OPCML: variants seen among roughly 807,000 people sequenced by gnomAD.
OPCML encodes the protein opioid binding protein/cell adhesion molecule like, also known as opioid-binding protein/cell adhesion molecule.
OPCML carries 13 observed loss-of-function variants against 37.8 expected under a neutral mutation model. The observed-to-expected ratio is 0.34, with a 90% CI of 0.22 to 0.55. The LOEUF (loss-of-function observed/expected upper bound fraction) is 0.55. OPCML is among the 20% of genes least tolerant of loss of function. OPCML has a pLI of 0.91. For missense variants in OPCML, 341 were observed against 435.6 expected (o/e 0.78, Z 1.93); for synonymous variants, 176 against 168.8 (o/e 1.04, Z -0.33).
chr11:133,255,162 G>A (rs571110613), intron 1 of OPCML, among the ~76,000 whole-genome samples: 61 of 151,938 alleles, frequency 4.0e-4, no homozygotes, highest in Middle Eastern at 3.4e-3. Flanking sequence ...CTCACTCTCC[G>A]GCCCTGAAGC....
chr11:133,475,033 G>A (rs1257711831), intron 1 of OPCML, among the ~76,000 whole-genome samples: 1 of 152,114 alleles, frequency 6.6e-6, no homozygotes, highest in Non-Finnish European at 1.5e-5. Flanking sequence ...CGTGGGACAT[G>A]CCACCTTTAC....
Position 132,419,161 on chromosome 11 carries a change from G to A in OPCML, c.*1032C>T, listed in dbSNP as rs2095948757. The A allele has an allele frequency of 6.6e-6, 1 of 152,426 alleles. No individual in the cohort carries two copies. The highest frequency in any genetic ancestry group is 1.5e-5 in the Non-Finnish European group (1 of 68,044). The allele number at this position is 152,426 out of a possible 1,614,324, so 9.4% of individuals were successfully genotyped here. A position where few individuals can be genotyped will look rare whatever the true frequency, so the allele number is the denominator to read the frequency against. ...GAAGATGCCAATGTCTGCTGATGGT[G>A]TATAAATGAATACAGTGGGAGAGAT... On this transcript the variant is annotated 3_prime_UTR_variant, in exon 8 of 8. Coordinates refer to ENST00000524381, the MANE Select transcript of OPCML (RefSeq NM_001012393.5).
chr11:132,963,740 T>C (rs1946147206), intron 1 of OPCML, among the ~76,000 whole-genome samples: 1 of 147,522 alleles, frequency 6.8e-6, no homozygotes, highest in Non-Finnish European at 1.5e-5. Context: ...CTTCTTCCTA[T>C]CCGTATTACG....
intron 2 of OPCML, among the ~76,000 whole-genome samples, chr11:132,777,542 C>T (rs994785994): frequency 1.3e-5 from 2 of 152,144 alleles, no homozygotes; most frequent in African/African-American, 2.4e-5. Context: ...TGCTCACCCA[C>T]GCTGCCTGCT....
chr11:132,557,291 C>A (rs1468279503), intron 3 of OPCML, among the ~76,000 whole-genome samples: 2 of 152,150 alleles, frequency 1.3e-5, no homozygotes, highest in African/African-American at 4.8e-5. Flanking sequence ...CCTTTCTCCT[C>A]AGTCGTAGAG....
At chr11:133,380,760 A>G (rs1212681681) in intron 1 of OPCML, among the ~76,000 whole-genome samples, 1 of 152,176 alleles carries the variant, frequency 6.6e-6, no homozygotes, top group Non-Finnish European at 1.5e-5. Context: ...TTCATCATTC[A>G]TATATTTAGT....
intron 3 of OPCML, among the ~76,000 whole-genome samples, chr11:132,585,656 C>T (rs1257369909): frequency 6.6e-6 from 1 of 152,096 alleles, no homozygotes; most frequent in Non-Finnish European, 1.5e-5. Flanking sequence ...TTTTCAAGAC[C>T]TATGGAGATA....
At chr11:133,052,435 G>A (rs1256368982) in intron 1 of OPCML, among the ~76,000 whole-genome samples, 1 of 152,224 alleles carries the variant, frequency 6.6e-6, no homozygotes, top group Non-Finnish European at 1.5e-5. Context: ...TGCCCTCATA[G>A]AGCTTAGATT....
chr11:132,843,271 AT>A (rs1271120894), intron 2 of OPCML, among the ~76,000 whole-genome samples: 1 of 151,302 alleles, frequency 6.6e-6, no homozygotes, highest in Non-Finnish European at 1.5e-5. Flanking sequence ...ATTTTTTTGT[AT>A]TTTTTAAGTA....
intron 1 of OPCML, among the ~76,000 whole-genome samples, chr11:133,396,860 T>C (rs920324960): frequency 6.6e-6 from 1 of 152,168 alleles, no homozygotes; most frequent in East Asian, 1.9e-4. Context: ...AGTGATCCCT[T>C]ACCCTTCTGG....
intron 1 of OPCML, among the ~76,000 whole-genome samples, chr11:133,342,393 G>A (rs921522749): frequency 6.6e-6 from 1 of 152,142 alleles, no homozygotes; most frequent in Non-Finnish European, 1.5e-5. Flanking sequence ...ATAGAGTGCC[G>A]CTGTCTCTGT....
At chr11:132,934,534 A>G (rs1345315675) in intron 2 of OPCML, among the ~76,000 whole-genome samples, 2 of 152,136 alleles carry the variant, frequency 1.3e-5, no homozygotes, top group African/African-American at 4.8e-5. Context: ...CAGAAACTCA[A>G]AAGTAGGGCC....
At chr11:133,483,611 T>TATAG (rs946325862) in intron 1 of OPCML, among the ~76,000 whole-genome samples, 1 of 151,250 alleles carries the variant, frequency 6.6e-6, no homozygotes, top group African/African-American at 2.4e-5. Context: ...GAAAGAGATT[T>TATAG]ATAGATAGAT....
intron 5 of OPCML, 139 bp downstream of exon 5, chr11:132,437,082 TG>T: frequency 7.1e-7 from 1 of 1,402,300 alleles, no homozygotes; most frequent in Non-Finnish European, 9.6e-7. Flanking sequence ...GAGGCCATGG[TG>T]GGCAAAGCCA....
At chr11:132,507,461 T>A (rs2096259630) in intron 4 of OPCML, among the ~76,000 whole-genome samples, 1 of 151,986 alleles carries the variant, frequency 6.6e-6, no homozygotes, top group African/African-American at 2.4e-5. Context: ...AATGTTTATA[T>A]AATGTATACT....
chr11:132,839,113 G>C (rs1941172917), intron 2 of OPCML, among the ~76,000 whole-genome samples: 1 of 152,192 alleles, frequency 6.6e-6, no homozygotes, highest in Admixed American at 6.5e-5. Context: ...AATTCACAGA[G>C]GAGACATCCA....
At position 132,861,379 on chromosome 11, in the gene OPCML, T is replaced by C. The variant is rs539658473; in HGVS notation, c.146+81547A>G. On this transcript the variant is annotated intron_variant, in intron 2 of 7. Transcript: ENST00000524381. ...CTGAAAAACAGGAAAATAACTCCTATGTGTTAAGGTTATATTGACTATTCA... is the reference window on the plus strand; with the variant it reads ...CTGAAAAACAGGAAAATAACTCCTACGTGTTAAGGTTATATTGACTATTCA... Among the ~76,000 whole-genome samples the C allele has an allele frequency of 3.3e-5, 5 of 152,354 alleles. No individual in the cohort carries two copies. The East Asian group carries it at 9.6e-4, about 29-fold the overall frequency.
At chr11:132,838,281 A>G (rs183582543) in intron 2 of OPCML, among the ~76,000 whole-genome samples, 228 of 152,364 alleles carry the variant, frequency 1.5e-3, no homozygotes, top group Non-Finnish European at 2.2e-3. Flanking sequence ...GGCAATTAAT[A>G]AACAAATAAA....
At chr11:133,030,930 G>T (rs913774739) in intron 1 of OPCML, among the ~76,000 whole-genome samples, 2 of 151,896 alleles carry the variant, frequency 1.3e-5, no homozygotes, top group African/African-American at 4.8e-5. Context: ...ATATTTAAAA[G>T]TCTCACTAAA....
Sources: gnomAD v4.1 joint callset for allele counts (sites outside exome capture counted in the v4.1 genomes callset) on GRCh38, gnomAD v4.1.1 for gene constraint, MANE v1.5 for transcripts, NCBI Gene and HGNC (gene_info 2026-07-23, HGNC 2026-07-21) for gene names.